The following SPPL3 variants were observed in gnomAD, a reference collection of about 807,000 sequenced individuals.
SPPL3 encodes the protein signal peptide peptidase-like 3.
Under a neutral mutation model 42.4 loss-of-function variants are expected in SPPL3, and 5 were observed. The observed-to-expected ratio is 0.12, with a 90% CI of 0.06 to 0.25. SPPL3 has a LOEUF of 0.25. SPPL3 is among the 10% of genes least tolerant of loss of function. The probability of loss-of-function intolerance (pLI) is 1.00; values close to 1 mark genes in which losing one functional copy is unlikely to be tolerated. For synonymous variants in SPPL3, 195 were observed against 181.8 expected (o/e 1.07, Z -0.58); for missense variants, 235 against 489.0 (o/e 0.48, Z 4.90).
chr12:120,827,950 G>C (rs1053742644), intron 1 of SPPL3, among the ~76,000 whole-genome samples: 13 of 152,190 alleles, frequency 8.5e-5, no homozygotes, highest in Admixed American at 3.9e-4. Context: ...ACCACACCTA[G>C]CTAATTTTTG....
At chr12:120,820,657 T>C (rs1177596126) in intron 1 of SPPL3, among the ~76,000 whole-genome samples, 1 of 152,190 alleles carries the variant, frequency 6.6e-6, no homozygotes, top group Non-Finnish European at 1.5e-5. Flanking sequence ...TTGGAGATCA[T>C]TGTTTTCCAC....
chr12:120,854,309 A>G (rs973332968), intron 1 of SPPL3, among the ~76,000 whole-genome samples: 2 of 152,200 alleles, frequency 1.3e-5, no homozygotes, highest in Non-Finnish European at 2.9e-5. Context: ...GTCCACCCCT[A>G]AAACAATTTT....
At chr12:120,801,635 T>C (rs1352348436) in intron 2 of SPPL3, among the ~76,000 whole-genome samples, 4 of 152,214 alleles carry the variant, frequency 2.6e-5, no homozygotes, top group Non-Finnish European at 5.9e-5. Context: ...ACTGCTTTTT[T>C]CTCATAAAAA....
chr12:120,766,490 G>C (rs1459938876), intron 9 of SPPL3, 118 bp from the exon 10 acceptor site: 2 of 762,436 alleles, frequency 2.6e-6, no homozygotes, highest in Non-Finnish European at 2.0e-6. Context: ...TCTATGGTTG[G>C]GGTGTGAAAT....
At chr12:120,789,619 G>GTT (rs1387673139) in intron 3 of SPPL3, among the ~76,000 whole-genome samples, 1 of 151,300 alleles carries the variant, frequency 6.6e-6, no homozygotes, top group East Asian at 1.9e-4. Context: ...GAGATCAGGA[G>GTT]TTTGAGACCA....
chr12:120,879,495 C>G (rs899160014), intron 1 of SPPL3, among the ~76,000 whole-genome samples: 2 of 152,144 alleles, frequency 1.3e-5, no homozygotes, highest in Admixed American at 1.3e-4. Context: ...GCAAACTCTT[C>G]CCTTAAGCAA....
At chr12:120,890,997 T>C (rs879697276) in intron 1 of SPPL3, among the ~76,000 whole-genome samples, 1 of 152,174 alleles carries the variant, frequency 6.6e-6, no homozygotes, top group Non-Finnish European at 1.5e-5. Context: ...TTTCCAGAGA[T>C]GTCTTGGGCC....
In SPPL3 at chr12:120,836,554, C is replaced by G. The variant is rs534147260; in HGVS notation, c.24-25668G>C. ...CGGGACAAAGACAAAACCATCCCAA[C>G]TGAGCCCCTGCCCAAATGCAGATCT... On this transcript the variant is annotated intron_variant, in intron 1 of 10. Coordinates refer to ENST00000353487, the MANE Select transcript of SPPL3 (RefSeq NM_139015.5). 1.3e-4 allele frequency among the ~76,000 whole-genome samples: 15 copies of G among 114,576 alleles called. No individual in the cohort carries two copies. In the East Asian group the frequency reaches 4.3e-3, roughly 33 times the overall value. 75.2% of individuals were successfully genotyped at this position (114,576 alleles called of 152,430 possible).
At chr12:120,889,732 AACTGATATAGTC>A (rs1239416888) in intron 1 of SPPL3, among the ~76,000 whole-genome samples, 1 of 152,238 alleles carries the variant, frequency 6.6e-6, no homozygotes, top group African/African-American at 2.4e-5. Context: ...GGCAATAGCT[AACTGATATAGTC>A]ACCAATTCTC....
intron 6 of SPPL3, among the ~76,000 whole-genome samples, chr12:120,773,087 A>T (rs1021360674): frequency 6.6e-6 from 1 of 152,246 alleles, no homozygotes; most frequent in Non-Finnish European, 1.5e-5. Context: ...AGCTCAGAGC[A>T]TTCAGAGCTG....
chr12:120,819,773 A>G (rs1870994928), intron 1 of SPPL3, among the ~76,000 whole-genome samples: 1 of 152,194 alleles, frequency 6.6e-6, no homozygotes, highest in African/African-American at 2.4e-5. Flanking sequence ...AAACTTAACA[A>G]AAGAAACTTT....
At chr12:120,772,628 G>A (rs965949651) in intron 6 of SPPL3, among the ~76,000 whole-genome samples, 1 of 152,138 alleles carries the variant, frequency 6.6e-6, no homozygotes, top group Non-Finnish European at 1.5e-5. Flanking sequence ...CATAGAACTG[G>A]TGGTAAATTG....
chr12:120,818,822 ATAT>A (rs869138148), intron 1 of SPPL3, among the ~76,000 whole-genome samples: 1 of 85,666 alleles, frequency 1.2e-5, no homozygotes, highest in South Asian at 4.5e-4. Flanking sequence ...AAAAGTTAAA[ATAT>A]TATTTATACA....
intron 1 of SPPL3, among the ~76,000 whole-genome samples, chr12:120,884,999 G>A (rs1010324704): frequency 2.0e-5 from 3 of 151,910 alleles, no homozygotes; most frequent in Admixed American, 6.6e-5. Context: ...TTCCAATTCC[G>A]CCCCTACTGG....
At chr12:120,895,826 G>C (rs1196534931) in intron 1 of SPPL3, among the ~76,000 whole-genome samples, 1 of 152,192 alleles carries the variant, frequency 6.6e-6, no homozygotes, top group African/African-American at 2.4e-5. Flanking sequence ...ACATGGCTAG[G>C]TCACAGTCAA....
chr12:120,810,782 T>TA, intron 2 of SPPL3, 27 bp downstream of exon 2: 1 of 1,565,130 alleles, frequency 6.4e-7, no homozygotes. Flanking sequence ...CTCCAACTTG[T>TA]ATCAACCCCA....
rs1868824591 is a variant in SPPL3, at chr12:120,764,930, A to G, written c.*69T>C. ...ATTTCTGAGTACCAGGCCAGCTCTA[A>G]GAGGAAACAAACCATGAGTTGAGAG... is the stretch of plus-strand genomic sequence containing the variant. On this transcript the variant is annotated 3_prime_UTR_variant, in exon 11 of 11. Coordinates refer to ENST00000353487, the MANE Select transcript of SPPL3 (RefSeq NM_139015.5). The G allele has an allele frequency of 6.5e-7, 1 of 1,545,206 alleles. No homozygotes were observed. The highest frequency in any genetic ancestry group is 8.9e-7 in the Non-Finnish European group (1 of 1,128,080).
intron 1 of SPPL3, among the ~76,000 whole-genome samples, chr12:120,889,817 T>C (rs1873576198): frequency 1.3e-5 from 2 of 152,332 alleles, no homozygotes; most frequent in South Asian, 4.1e-4. Flanking sequence ...AGGTCCAGCC[T>C]AACACCTTGA....
intron 1 of SPPL3, among the ~76,000 whole-genome samples, chr12:120,836,637 A>G (rs2037022065): frequency 6.6e-6 from 1 of 152,210 alleles, no homozygotes; most frequent in African/African-American, 2.4e-5. Context: ...AATGGCAAAC[A>G]GATTAGTGGC....
Sources: gnomAD v4.1 joint callset for allele counts (sites outside exome capture counted in the v4.1 genomes callset) on GRCh38, gnomAD v4.1.1 for gene constraint, MANE v1.5 for transcripts, NCBI Gene and HGNC (gene_info 2026-07-23, HGNC 2026-07-21) for gene names.